Variants in NTM observed in about 807,000 individuals in gnomAD.
NTM encodes the protein neurotrimin, also known as IgLON family member 2.
NTM carries 13 observed loss-of-function variants against 42.1 expected under a neutral mutation model. The observed-to-expected ratio is 0.31, with a 90% CI of 0.20 to 0.49. NTM has a LOEUF of 0.49. NTM is among the 20% of genes least tolerant of loss of function. NTM has a pLI of 0.99. For synonymous variants in NTM, 187 were observed against 179.2 expected (o/e 1.04, Z -0.35); for missense variants, 373 against 452.8 (o/e 0.82, Z 1.60).
At chr11:132,078,368 C>T (rs1282124091) in intron 2 of NTM, among the ~76,000 whole-genome samples, 1 of 152,190 alleles carries the variant, frequency 6.6e-6, no homozygotes, top group Non-Finnish European at 1.5e-5. Context: ...CTTAGTTTCC[C>T]TCGGTGTGGC....
intron 1 of NTM, among the ~76,000 whole-genome samples, chr11:131,799,193 A>G (rs545745189): frequency 1.3e-5 from 2 of 152,264 alleles, no homozygotes; most frequent in Admixed American, 1.3e-4. Flanking sequence ...GGCCATACAT[A>G]CTATATCCCA....
chr11:131,807,037 T>C (rs929354829), intron 1 of NTM, among the ~76,000 whole-genome samples: 1 of 152,094 alleles, frequency 6.6e-6, no homozygotes, highest in African/African-American at 2.4e-5. Context: ...GGGAAAAGCG[T>C]TTTAGGCTAT....
At chr11:131,957,913 T>C (rs1285468878) in intron 2 of NTM, among the ~76,000 whole-genome samples, 1 of 151,710 alleles carries the variant, frequency 6.6e-6, no homozygotes, top group Non-Finnish European at 1.5e-5. Flanking sequence ...AGAGGCTTCC[T>C]TTGTGGCCTC....
At chr11:131,384,306 G>A (rs1446119991) in intron 1 of NTM, among the ~76,000 whole-genome samples, 1 of 152,176 alleles carries the variant, frequency 6.6e-6, no homozygotes, top group Non-Finnish European at 1.5e-5. Context: ...ACAAAAAGTG[G>A]ACAAATACAT....
chr11:132,181,417 C>G (rs551018158), intron 3 of NTM, among the ~76,000 whole-genome samples: 1 of 152,216 alleles, frequency 6.6e-6, no homozygotes, highest in Non-Finnish European at 1.5e-5. Context: ...TACAAGTTGT[C>G]TATTGAGATT....
intron 1 of NTM, among the ~76,000 whole-genome samples, chr11:131,580,382 G>A (rs181617508): frequency 4.3e-4 from 65 of 152,218 alleles, no homozygotes; most frequent in African/African-American, 1.5e-3. Context: ...GTACTGTGAG[G>A]CCACTGACAG....
At chr11:131,648,268 G>C (rs2066021709) in intron 1 of NTM, among the ~76,000 whole-genome samples, 1 of 152,172 alleles carries the variant, frequency 6.6e-6, no homozygotes, top group Admixed American at 6.5e-5. Context: ...TTGATTCCAT[G>C]TCTTTGCTAT....
chr11:131,842,417 G>A (rs12793948), intron 1 of NTM, among the ~76,000 whole-genome samples: 12,073 of 152,166 alleles, frequency 0.079, 573 homozygotes, highest in East Asian at 0.19. Flanking sequence ...GCACAGTTTT[G>A]CAAGTCGTGG....
chr11:132,309,014 A>G (rs2095193906), intron 5 of NTM, among the ~76,000 whole-genome samples: 1 of 152,214 alleles, frequency 6.6e-6, no homozygotes, highest in African/African-American at 2.4e-5. Context: ...CTGCTTTAAG[A>G]TTTATGTTGT....
intron 1 of NTM, among the ~76,000 whole-genome samples, chr11:131,454,464 G>A (rs958688228): frequency 2.6e-5 from 4 of 152,084 alleles, no homozygotes; most frequent in African/African-American, 7.2e-5. Context: ...GGCAATGGCA[G>A]GCGTCCCCCA....
chr11:131,670,073 CAATT>C (rs1197700848), intron 1 of NTM, among the ~76,000 whole-genome samples: 1 of 152,122 alleles, frequency 6.6e-6, no homozygotes, highest in Non-Finnish European at 1.5e-5. Context: ...GAAGAAAAAA[CAATT>C]AATTGGAAAT....
intron 1 of NTM, among the ~76,000 whole-genome samples, chr11:131,762,987 G>A (rs1356726996): frequency 7.9e-5 from 12 of 152,180 alleles, no homozygotes; most frequent in South Asian, 4.1e-4. Flanking sequence ...TTCAAACAAC[G>A]GGCTCGGTTC....
intron 2 of NTM, among the ~76,000 whole-genome samples, chr11:132,089,599 A>C (rs1594560691): frequency 6.6e-6 from 1 of 152,234 alleles, no homozygotes; most frequent in African/African-American, 2.4e-5. Context: ...ATTGATGTGA[A>C]TATCCTGCCC....
At chr11:131,627,886 T>C (rs891608215) in intron 1 of NTM, among the ~76,000 whole-genome samples, 1 of 152,134 alleles carries the variant, frequency 6.6e-6, no homozygotes, top group Non-Finnish European at 1.5e-5. Context: ...GTCCTCTTTA[T>C]AATAGGGATT....
In NTM at chr11:132,319,881, T is replaced by G. The variant is rs113102153; in HGVS notation, c.934+5178T>G. 3.7e-4 allele frequency among the ~76,000 whole-genome samples: 56 copies of G among 151,834 alleles called. 3 individuals are homozygous for G. The highest frequency in any genetic ancestry group is 1.3e-3 in the African/African-American group (54 of 41,562). The stretch of plus-strand genomic sequence containing the variant: ...GAGGCACCCCCCAGTAGGGGCAGAC[T>G]GACACCTCACACAGCCGGGTACTCC... On this transcript the variant is annotated intron_variant, in intron 7 of 8. Transcript: ENST00000683400.
Position 132,001,315 on chromosome 11 carries a change from G to A in NTM, c.167+89667G>A, listed in dbSNP as rs146991965. On this transcript the variant is annotated intron_variant, in intron 2 of 8. Transcript: ENST00000683400. The stretch of plus-strand genomic sequence containing the variant: ...CTTTTTAAGGATAAGAAATTTTCTT[G>A]TATACATAGGGCATAAACATATATA... Among the ~76,000 whole-genome samples, 1,313 of 152,286 alleles carry A rather than the reference G, an allele frequency of 8.6e-3. 17 individuals carry two copies. Among genetic ancestry groups the A allele is most frequent in the African/African-American group, 0.029 (1,221 of 41,562 alleles).
At chr11:131,822,103 A>G (rs2093213874) in intron 1 of NTM, among the ~76,000 whole-genome samples, 1 of 152,022 alleles carries the variant, frequency 6.6e-6, no homozygotes, top group South Asian at 2.1e-4. Context: ...GTATGCTCCC[A>G]GGCACATAAA....
chr11:131,664,818 C>T (rs976885033), intron 1 of NTM, among the ~76,000 whole-genome samples: 3 of 142,962 alleles, frequency 2.1e-5, no homozygotes, highest in Non-Finnish European at 4.5e-5. Context: ...CATTTAAAAG[C>T]CACTCTTTTA....
chr11:131,509,245 G>C (rs575583801), intron 1 of NTM, among the ~76,000 whole-genome samples: 7 of 152,210 alleles, frequency 4.6e-5, no homozygotes, highest in Middle Eastern at 3.4e-3. Flanking sequence ...GGGCTTTGGG[G>C]TTGCTTATGG....
Sources: gnomAD v4.1 joint callset for allele counts (sites outside exome capture counted in the v4.1 genomes callset) on GRCh38, gnomAD v4.1.1 for gene constraint, MANE v1.5 for transcripts, NCBI Gene and HGNC (gene_info 2026-07-23, HGNC 2026-07-21) for gene names.